The following ZNF697 variants were observed in gnomAD, a reference collection of about 807,000 sequenced individuals.
ZNF697 encodes zinc finger protein 697.
ZNF697 carries 23 observed loss-of-function variants against 32.4 expected under a neutral mutation model. That is an observed-to-expected ratio of 0.71 (90% confidence interval 0.51 to 1.01). ZNF697 has a LOEUF of 1.01. ZNF697 is among the 50% of genes least tolerant of loss of function. The probability of loss-of-function intolerance (pLI) is 0.00; values close to 1 mark genes in which losing one functional copy is unlikely to be tolerated. For missense variants in ZNF697, 930 were observed against 794.0 expected, an observed-to-expected ratio of 1.17 and a Z score of -2.06; for synonymous variants, 418 against 337.2, an observed-to-expected ratio of 1.24 and a Z score of -2.62.
Position 119,621,524 on chromosome 1 carries a change from T to A in ZNF697, c.*1181A>T, listed in dbSNP as rs1011904762. ...CATTTACACCTCTCCCTGACTGGGC[T>A]CTTCTGGGTAAAGCCTTGAGATTTC... On this transcript the variant is annotated 3_prime_UTR_variant, in exon 3 of 3. Transcript: ENST00000421812. 2.0e-5 allele frequency: 3 copies of A among 152,670 alleles called. No individual in the cohort carries two copies. The highest frequency in any genetic ancestry group is 7.2e-5 in the African/African-American group (3 of 41,458). 9.5% of individuals were successfully genotyped at this position (152,670 alleles called of 1,614,324 possible).
At chr1:119,640,837 T>G (rs1033007092) in intron 1 of ZNF697, among the ~76,000 whole-genome samples, 1 of 152,188 alleles carries the variant, frequency 6.6e-6, no homozygotes, top group Non-Finnish European at 1.5e-5. Context: ...CCGGGGAGAT[T>G]TGCATTTAAC....
At position 119,648,034 on chromosome 1, in the gene ZNF697, G is replaced by C. The variant is rs1002275492; in HGVS notation, c.-381C>G. On this transcript the variant is annotated 5_prime_UTR_variant, in exon 1 of 3. Transcript: ENST00000421812. ...TCTGGTCCCGATCAGCCCCATCCCC[G>C]GGAGGCGGTTGAGCCCAGCCACAGC... is the stretch of plus-strand genomic sequence containing the variant. Among the ~76,000 whole-genome samples, 9 of 152,190 alleles carry C rather than the reference G, an allele frequency of 5.9e-5. No individual in the cohort carries two copies. The highest frequency in any genetic ancestry group is 2.2e-4 in the African/African-American group (9 of 41,452).
chr1:119,625,948 G>A lies in ZNF697; in HGVS notation c.153C>T (p.Gly51=). 2 of 1,613,830 alleles carry A rather than the reference G, an allele frequency of 1.2e-6. No homozygotes were observed. The highest frequency in any genetic ancestry group is 1.7e-6 in the Non-Finnish European group (2 of 1,179,738). ...SNPHDTNKRE[G]HPEPEMGSNP... Reference sequence around the variant, plus strand: ...TGGAGCCCATCTCCGGCTCCGGATGGCCTTCTCTCTTGTTTGTGTCATGTG... The same window carrying A: ...TGGAGCCCATCTCCGGCTCCGGATGACCTTCTCTCTTGTTTGTGTCATGTG... The change falls in exon 2 of 3, where the codon GGC becomes GGT. Residue 51 remains glycine, a synonymous_variant. Transcript: ENST00000421812.
chr1:119,631,068 A>G (rs1384141000), intron 1 of ZNF697, among the ~76,000 whole-genome samples: 1 of 152,244 alleles, frequency 6.6e-6, no homozygotes, highest in East Asian at 1.9e-4. Flanking sequence ...CTTCCTATGA[A>G]GAGGTTAGGG....
At chr1:119,641,736 G>T (rs1649081333) in intron 1 of ZNF697, among the ~76,000 whole-genome samples, 1 of 152,172 alleles carries the variant, frequency 6.6e-6, no homozygotes, top group South Asian at 2.1e-4. Context: ...GTTCTCAGAA[G>T]ATCTGATGGT....
Position 119,622,526 on chromosome 1 carries a change from C to T in ZNF697, c.*179G>A. 2 of 1,221,154 alleles carry T rather than the reference C, an allele frequency of 1.6e-6. No individual in the cohort carries two copies. The highest frequency in any genetic ancestry group is 1.5e-5 in the African/African-American group (1 of 65,480). 75.6% of individuals were successfully genotyped at this position (1,221,154 alleles called of 1,614,324 possible). ...CGTGGAGAGGAGGCAAGTATAGCACCGGGAAAGACCAACTTACTCAACACT... is the reference window on the plus strand; with the variant it reads ...CGTGGAGAGGAGGCAAGTATAGCACTGGGAAAGACCAACTTACTCAACACT... On this transcript the variant is annotated 3_prime_UTR_variant, in exon 3 of 3. Coordinates refer to ENST00000421812, the MANE Select transcript of ZNF697 (RefSeq NM_001080470.2).
In ZNF697 at chr1:119,624,154, C is replaced by T. The variant is rs891083656; in HGVS notation, c.227-38G>A. ...AAGGTGGCAGTGGGGGATTACTATA[C>T]TTGGCATTCAAAAGATAAGCCCAGA... is the stretch of plus-strand genomic sequence containing the variant. On this transcript the variant is annotated intron_variant, in intron 2 of 2. Coordinates refer to ENST00000421812, the MANE Select transcript of ZNF697 (RefSeq NM_001080470.2). 4.6e-6 allele frequency: 7 copies of T among 1,517,924 alleles called. No individual in the cohort carries two copies. In the African/African-American group the frequency reaches 5.6e-5, roughly 12 times the overall value. 94.0% of individuals were successfully genotyped at this position (1,517,924 alleles called of 1,614,324 possible). A position where few individuals can be genotyped will look rare whatever the true frequency, so the allele number is the denominator to read the frequency against.
At chr1:119,644,358 T>C (rs1649150871) in intron 1 of ZNF697, among the ~76,000 whole-genome samples, 1 of 152,140 alleles carries the variant, frequency 6.6e-6, no homozygotes, top group Admixed American at 6.6e-5. Flanking sequence ...GACATAAAAA[T>C]AACAGATCTA....
intron 1 of ZNF697, among the ~76,000 whole-genome samples, chr1:119,639,129 C>T (rs1037574943): frequency 2.6e-5 from 4 of 152,178 alleles, no homozygotes; most frequent in Admixed American, 2.6e-4. Flanking sequence ...TGGCAGTGTC[C>T]ATTTCTGTTA....
chr1:119,638,010 A>C (rs1201960590), intron 1 of ZNF697, among the ~76,000 whole-genome samples: 3 of 152,114 alleles, frequency 2.0e-5, no homozygotes, highest in Non-Finnish European at 4.4e-5. Context: ...AGAGGGGAAG[A>C]CCATGAAGCC....
Position 119,626,080 on chromosome 1 carries a change from C to A in ZNF697, c.21G>T (p.Gln7His), listed in dbSNP as rs775480900. The part of the protein sequence containing the change: MKQEDN[Q>H]GVCAHQDSED... ...CTGAGTCCTGGTGTGCACAGACACCCTGATTATCTTCTTGTTTCATCCAGG... is the reference window on the plus strand; with the variant it reads ...CTGAGTCCTGGTGTGCACAGACACCATGATTATCTTCTTGTTTCATCCAGG... The change falls in exon 2 of 3, where the codon CAG becomes CAT. Residue 7 changes from glutamine (Q) to histidine (H), a missense_variant. Gln to His is a conservative substitution (Grantham distance 24, BLOSUM62 0). Transcript: ENST00000421812. 6.2e-6 allele frequency: 10 copies of A among 1,613,828 alleles called. No homozygotes were observed. Among genetic ancestry groups the A allele is most frequent in the South Asian group, 1.1e-5 (1 of 91,094 alleles).
In ZNF697 at chr1:119,622,520, T is replaced by C; in HGVS notation, c.*185A>G. ...TTCTTCCGTGGAGAGGAGGCAAGTA[T>C]AGCACCGGGAAAGACCAACTTACTC... On this transcript the variant is annotated 3_prime_UTR_variant, in exon 3 of 3. Coordinates refer to ENST00000421812, the MANE Select transcript of ZNF697 (RefSeq NM_001080470.2). 2 of 1,136,316 alleles carry C rather than the reference T, an allele frequency of 1.8e-6. No individual in the cohort carries two copies. Among genetic ancestry groups the C allele is most frequent in the Non-Finnish European group, 2.4e-6 (2 of 838,706 alleles). The allele number at this position is 1,136,316 out of a possible 1,614,324, so 70.4% of individuals were successfully genotyped here.
At chr1:119,635,336 G>A (rs114984728) in intron 1 of ZNF697, among the ~76,000 whole-genome samples, 3,348 of 152,228 alleles carry the variant, frequency 0.022, 134 homozygotes, top group African/African-American at 0.075. Flanking sequence ...GGGCAGTGGA[G>A]CAAAGATACT....
Position 119,622,995 on chromosome 1 carries a change from A to G in ZNF697, c.1348T>C (p.Ser450Pro). ...RECGKGFGRN[S>P]HLVNHLRVHT... ...ACGCGCAGGTGGTTCACCAGGTGCG[A>G]GTTACGCCCGAAGCCCTTCCCGCAC... Residue 450 changes from serine (S) to proline (P), a missense_variant, in exon 3 of 3, where the codon TCG (serine) becomes CCG (proline). By Grantham distance (74) the Ser-to-Pro change is moderately conservative. Transcript: ENST00000421812. The G allele has an allele frequency of 6.3e-7, 1 of 1,593,982 alleles. No homozygotes were observed. The highest frequency in any genetic ancestry group is 8.6e-7 in the Non-Finnish European group (1 of 1,168,352).
intron 1 of ZNF697, among the ~76,000 whole-genome samples, chr1:119,643,579 C>T (rs1395478136): frequency 6.6e-6 from 1 of 152,178 alleles, no homozygotes; most frequent in East Asian, 1.9e-4. Flanking sequence ...CTATACCCCA[C>T]ACAAATCTTG....
intron 1 of ZNF697, among the ~76,000 whole-genome samples, chr1:119,644,013 C>A (rs1649144046): frequency 1.3e-5 from 2 of 152,362 alleles, no homozygotes; most frequent in South Asian, 4.1e-4. Context: ...ACCAATTCAT[C>A]ATTAACTCAG....
chr1:119,647,627 C>G (rs775674683), intron 1 of ZNF697, 64 bp downstream of exon 1: 1 of 152,516 alleles, frequency 6.6e-6, no homozygotes, highest in Non-Finnish European at 1.5e-5. Context: ...GCTGGAGGCA[C>G]GAACAGACAA....
intron 1 of ZNF697, among the ~76,000 whole-genome samples, chr1:119,634,929 T>G (rs1648879767): frequency 6.6e-6 from 1 of 152,156 alleles, no homozygotes; most frequent in African/African-American, 2.4e-5. Context: ...TCTTATATCT[T>G]TAAGAGATAT....
chr1:119,633,398 A>T (rs879597373), intron 1 of ZNF697, among the ~76,000 whole-genome samples: 84 of 146,410 alleles, frequency 5.7e-4, no homozygotes, highest in African/African-American at 1.7e-3. Context: ...GTGTGTATAG[A>T]GAGAGAGAGA....
Sources: allele counts gnomAD v4.1 joint callset (sites outside exome capture counted in the v4.1 genomes callset), GRCh38; gene constraint gnomAD v4.1.1; transcripts MANE v1.5; gene names NCBI Gene and HGNC (gene_info 2026-07-23, HGNC 2026-07-21).